Variants in LRCH3 observed in about 807,000 individuals in gnomAD.
The protein encoded by LRCH3 is DISP complex protein LRCH3.
In LRCH3, 68 loss-of-function variants were observed where a neutral mutation model predicts 104.5. The ratio of observed to expected loss-of-function variants is 0.65; its 90% CI spans 0.54 to 0.80. The LOEUF is 0.80. LRCH3 is among the 30% of genes least tolerant of loss of function. The pLI is 0.00. For synonymous variants in LRCH3, 344 were observed against 361.3 expected (o/e 0.95, Z 0.54); for missense variants, 951 against 953.9 (o/e 1.00, Z 0.04).
intron 14 of LRCH3, among the ~76,000 whole-genome samples, chr3:197,857,977 A>T (rs1057476812): frequency 7.9e-5 from 12 of 152,230 alleles, no homozygotes; most frequent in Admixed American, 5.9e-4. Flanking sequence ...TTTATCTCAT[A>T]GTTTAGAAAT....
rs1011733373 is a variant in LRCH3, at chr3:197,797,084, T to C, written c.262+5544T>C. ...AGCACACGCCTGTAATCGCAGCACT[T>C]TGGGGGGCCGAGGCGGGCAGATCAC... On this transcript the variant is annotated intron_variant, in intron 1 of 20. Coordinates refer to ENST00000425562, the MANE Select transcript of LRCH3 (RefSeq NM_001365715.1). 1.5e-4 allele frequency among the ~76,000 whole-genome samples: 23 copies of C among 150,574 alleles called. No individual in the cohort carries two copies. The East Asian group carries it at 2.9e-3, about 19-fold the overall frequency.
chr3:197,804,982 C>T (rs1732311178), intron 1 of LRCH3, among the ~76,000 whole-genome samples: 1 of 151,888 alleles, frequency 6.6e-6, no homozygotes, highest in South Asian at 2.1e-4. Flanking sequence ...GCAACCTCCA[C>T]CTCCTGGATT....
At chr3:197,844,847 C>T (rs1216637482) in intron 10 of LRCH3, among the ~76,000 whole-genome samples, 1 of 152,032 alleles carries the variant, frequency 6.6e-6, no homozygotes, top group Non-Finnish European at 1.5e-5. Context: ...CCTCTTATCT[C>T]CTGACTTTGT....
rs562696497 is a variant in LRCH3 at position 197,841,445 on chromosome 3, C to T, written c.1328+2048C>T. ...CCCTTTCTGCCACATCTCGCAAATT[C>T]TTTTGCTTTTAAGGGCTCGTGATTA... On this transcript the variant is annotated intron_variant, in intron 10 of 20. Coordinates refer to ENST00000425562, the MANE Select transcript of LRCH3 (RefSeq NM_001365715.1). Among the ~76,000 whole-genome samples, 3 of 152,308 alleles carry T rather than the reference C, an allele frequency of 2.0e-5. No individual in the cohort carries two copies. The South Asian group carries it at 6.2e-4, about 32-fold the overall frequency.
At chr3:197,794,490 C>T (rs1730971279) in intron 1 of LRCH3, among the ~76,000 whole-genome samples, 1 of 152,048 alleles carries the variant, frequency 6.6e-6, no homozygotes, top group Admixed American at 6.6e-5. Context: ...TATGCTTAGA[C>T]CTTATAGAAA....
At chr3:197,879,976 C>G (rs181329747) in intron 20 of LRCH3, among the ~76,000 whole-genome samples, 25 of 149,224 alleles carry the variant, frequency 1.7e-4, no homozygotes, top group East Asian at 7.9e-4. Flanking sequence ...GACGGAGTCT[C>G]GCTCTGTCAC....
In LRCH3 at chr3:197,791,539, G is replaced by C. The variant is rs777310888; in HGVS notation, c.261G>C (p.Ala87=). The change falls in exon 1 of 21, where the codon GCG becomes GCC. Residue 87 remains alanine, a splice_region_variant and synonymous_variant. Coordinates refer to ENST00000425562, the MANE Select transcript of LRCH3 (RefSeq NM_001365715.1). ...ANHDLTDTTR[A]DLSRNRLSEI... Reference sequence around the variant, plus strand: ...ACGACCTGACGGACACCACCCGGGCGGGTGAGCGGGGCGGGGGGCGTCTCT... The same window carrying C: ...ACGACCTGACGGACACCACCCGGGCCGGTGAGCGGGGCGGGGGGCGTCTCT... 10 of 1,573,640 alleles carry C rather than the reference G, an allele frequency of 6.4e-6. No homozygotes were observed. The Admixed American group carries it at 1.1e-4, about 17-fold the overall frequency.
At chr3:197,834,048 G>A (rs74771956) in intron 8 of LRCH3, among the ~76,000 whole-genome samples, 3,967 of 152,218 alleles carry the variant, frequency 0.026, 81 homozygotes, top group East Asian at 0.051. Flanking sequence ...CAATAATTGA[G>A]TCAGAAGACT....
chr3:197,876,692 A>G (rs939664186), intron 20 of LRCH3, among the ~76,000 whole-genome samples: 3 of 152,140 alleles, frequency 2.0e-5, no homozygotes, highest in Non-Finnish European at 4.4e-5. Context: ...GGAAAACATG[A>G]TTCTTCTCTA....
intron 9 of LRCH3, among the ~76,000 whole-genome samples, chr3:197,836,583 T>C (rs1736829533): frequency 6.6e-6 from 1 of 151,960 alleles, no homozygotes; most frequent in East Asian, 1.9e-4. Flanking sequence ...CTTTTAGAAA[T>C]AGAGAAGAAT....
chr3:197,832,385 T>C, intron 8 of LRCH3, 68 bp downstream of exon 8: 1 of 1,537,336 alleles, frequency 6.5e-7, no homozygotes, highest in Non-Finnish European at 8.9e-7. Flanking sequence ...GTCTTTTTCA[T>C]ACCCACTCCT....
At chr3:197,842,576 A>G (rs1238443408) in intron 10 of LRCH3, among the ~76,000 whole-genome samples, 1 of 152,066 alleles carries the variant, frequency 6.6e-6, no homozygotes, top group Non-Finnish European at 1.5e-5. Flanking sequence ...TTTTTCTTCC[A>G]GTTCTTTTCC....
chr3:197,862,371 G>C (rs755073451), intron 15 of LRCH3, among the ~76,000 whole-genome samples: 13 of 152,126 alleles, frequency 8.5e-5, no homozygotes, highest in Admixed American at 1.3e-4. Context: ...ATCTCATAAA[G>C]TTGCCTGTTA....
At chr3:197,825,449 T>C (rs867494515) in intron 4 of LRCH3, among the ~76,000 whole-genome samples, 1 of 149,154 alleles carries the variant, frequency 6.7e-6, no homozygotes. Context: ...TAGACCTCTT[T>C]GTTGATCCTC....
chr3:197,821,737 C>T lies in LRCH3; in HGVS notation c.640+1307C>T, dbSNP rs142273882. 4.9e-4 allele frequency among the ~76,000 whole-genome samples: 75 copies of T among 152,332 alleles called. No individual in the cohort carries two copies. The South Asian group carries it at 0.014, about 28-fold the overall frequency. ...TTACTCAGGCTAGAGTGCAGTGGCACGAACATGGCTCACTGCAGCCTCGAC... is the reference window on the plus strand; with the variant it reads ...TTACTCAGGCTAGAGTGCAGTGGCATGAACATGGCTCACTGCAGCCTCGAC... On this transcript the variant is annotated intron_variant, in intron 4 of 20. Coordinates refer to ENST00000425562, the MANE Select transcript of LRCH3 (RefSeq NM_001365715.1).
chr3:197,852,381 A>G lies in LRCH3; in HGVS notation c.1531-180A>G, dbSNP rs1004640838. The G allele has an allele frequency of 3.7e-5, 22 of 594,368 alleles. No homozygotes were observed. The African/African-American group carries it at 3.9e-4, about 11-fold the overall frequency. 36.8% of individuals were successfully genotyped at this position (594,368 alleles called of 1,614,324 possible). A position where few individuals can be genotyped will look rare whatever the true frequency, so the allele number is the denominator to read the frequency against. On this transcript the variant is annotated intron_variant, in intron 12 of 20. Transcript: ENST00000425562. ...TGATTATAAATGTGTTTGTGTAGAT[A>G]TATGTATAGTTTTTAAAATTTCTAG...
rs545547766 is a variant in LRCH3 at position 197,879,406 on chromosome 3, G to T, written c.2208+3631G>T. Among the ~76,000 whole-genome samples the T allele has an allele frequency of 5.3e-4, 80 of 152,196 alleles. 1 individual carries two copies. In the South Asian group the frequency reaches 0.015, roughly 28 times the overall value. ...TCACGCCTGTAATCCCAGCACTTTG[G>T]GAGGCCGAGGTGGGCGGATCACGAG... On this transcript the variant is annotated intron_variant, in intron 20 of 20. Transcript: ENST00000425562.
rs1470052112 is a variant in LRCH3, at chr3:197,826,873, T to C, written c.641-5T>C. The C allele has an allele frequency of 1.2e-5, 19 of 1,614,136 alleles. No homozygotes were observed. Among genetic ancestry groups the C allele is most frequent in the Non-Finnish European group, 1.6e-5 (19 of 1,179,978 alleles). ...ATTGTTCATTTCCATTTTACCTTCT[T>C]GCAGAGCTGGCGGAGTTGCCTTTGA... On this transcript the variant is annotated splice_region_variant and splice_polypyrimidine_tract_variant and intron_variant, in intron 4 of 20. Transcript: ENST00000425562.
intron 18 of LRCH3, among the ~76,000 whole-genome samples, chr3:197,871,027 T>C (rs1712116990): frequency 6.6e-6 from 1 of 152,168 alleles, no homozygotes; most frequent in Non-Finnish European, 1.5e-5. Context: ...CACTTACACA[T>C]ATATAGTGAG....
Sources: gnomAD v4.1 joint callset for allele counts (sites outside exome capture counted in the v4.1 genomes callset) on GRCh38, gnomAD v4.1.1 for gene constraint, MANE v1.5 for transcripts, NCBI Gene and HGNC (gene_info 2026-07-23, HGNC 2026-07-21) for gene names.